Variants in ERH observed in about 807,000 individuals in gnomAD.
ERH encodes the protein ERH mRNA splicing and mitosis factor.
In ERH, 1 loss-of-function variant was observed where a neutral mutation model predicts 16.8. That is an observed-to-expected ratio of 0.06 (90% CI 0.02 to 0.28). ERH has a LOEUF of 0.28. Among genes scored for constraint, ERH ranks in the 10% least tolerant of loss-of-function variants. The pLI, the probability that ERH is intolerant of heterozygous loss-of-function variation, is 1.00. For missense variants in ERH, 42 were observed against 127.5 expected (o/e 0.33, Z 3.23); for synonymous variants, 43 against 43.6 (o/e 0.99, Z 0.05).
At chr14:69,390,609 T>C (rs1219346758) in intron 2 of ERH, among the ~76,000 whole-genome samples, 1 of 152,218 alleles carries the variant, frequency 6.6e-6, no homozygotes, top group Non-Finnish European at 1.5e-5. Flanking sequence ...TTAATATTTG[T>C]GACCTTGGAT....
At position 69,386,803 on chromosome 14, in the gene ERH, A is replaced by T. The variant is rs151013674; in HGVS notation, c.212+160T>A. 1.1e-3 allele frequency: 610 copies of T among 579,482 alleles called. 4 individuals are homozygous for T. In the African/African-American group the frequency reaches 0.011, roughly 10 times the overall value. The allele number at this position is 579,482 out of a possible 1,614,324, so 35.9% of individuals were successfully genotyped here. On this transcript the variant is annotated intron_variant, in intron 3 of 3. Transcript: ENST00000557016. ...TCTGTGCCTTTGGCTTTATGTTGCC[A>T]ATCTCTTATTTCTGTAAGAGAAATA...
chr14:69,384,018 GAA>G (rs1294445029), intron 3 of ERH, among the ~76,000 whole-genome samples: 3 of 151,946 alleles, frequency 2.0e-5, no homozygotes, highest in Non-Finnish European at 4.4e-5. Flanking sequence ...TACAAAGTTA[GAA>G]AAGTTATGTT....
intron 1 of ERH, 46 bp downstream of exon 1, chr14:69,398,185 G>A (rs1164384652): frequency 1.2e-6 from 2 of 1,612,944 alleles, no homozygotes; most frequent in Non-Finnish European, 1.7e-6. Flanking sequence ...GGGTCGCTCT[G>A]GAGGCCGGGG....
chr14:69,396,059 C>CA (rs1349777507), intron 1 of ERH, among the ~76,000 whole-genome samples: 1 of 152,194 alleles, frequency 6.6e-6, no homozygotes, highest in African/African-American at 2.4e-5. Context: ...GCTGAGAATT[C>CA]ACTGGTCTGT....
Position 69,380,521 on chromosome 14 carries a change from CAGTG to C in ERH, c.*13_*16del. The C allele has an allele frequency of 1.5e-6, 2 of 1,367,738 alleles. No homozygotes were observed. Among genetic ancestry groups the C allele is most frequent in the Non-Finnish European group, 2.1e-6 (2 of 956,182 alleles). 84.7% of individuals were successfully genotyped at this position (1,367,738 alleles called of 1,614,324 possible). ...TGTTCCAAGCCCACCCCAACCCCCCCAGTGCTTCCAACACAATTATTTCCCAGCC... is the reference window on the plus strand; with the variant it reads ...TGTTCCAAGCCCACCCCAACCCCCCCCTTCCAACACAATTATTTCCCAGCC... On this transcript the variant is annotated 3_prime_UTR_variant, in exon 4 of 4. Transcript: ENST00000557016.
At chr14:69,396,054 G>A (rs962471175) in intron 1 of ERH, among the ~76,000 whole-genome samples, 4 of 152,192 alleles carry the variant, frequency 2.6e-5, no homozygotes, top group African/African-American at 9.7e-5. Context: ...ATCCAGCTGA[G>A]AATTCACTGG....
In ERH at chr14:69,395,082, G is replaced by C. The variant is rs563281449; in HGVS notation, c.4-170C>G. 2.0e-5 allele frequency among the ~76,000 whole-genome samples: 3 copies of C among 152,262 alleles called. No individual in the cohort carries two copies. In the East Asian group the frequency reaches 5.8e-4, roughly 29 times the overall value. ...TAATCCTCATCCTCTGGGAGGCTGA[G>C]AGGGGGAAAATCACTTGAGGCCAGA... is the stretch of plus-strand genomic sequence containing the variant. On this transcript the variant is annotated intron_variant, in intron 1 of 3. Coordinates refer to ENST00000557016, the MANE Select transcript of ERH (RefSeq NM_004450.3).
At chr14:69,398,005 C>G (rs898685154) in intron 1 of ERH, 1 of 613,120 alleles carries the variant, frequency 1.6e-6, no homozygotes, top group Non-Finnish European at 2.9e-6. Context: ...CACGCCGGAC[C>G]CGAGCGAGCA....
At position 69,380,358 on chromosome 14, in the gene ERH, G is replaced by A; in HGVS notation, c.*180C>T. On this transcript the variant is annotated 3_prime_UTR_variant, in exon 4 of 4. Transcript: ENST00000557016. ...AAAAAAAAAGAAAGAGAAAGAAAAA[G>A]AGGAGGTAACGGGGGTTTCCGATTG... is the stretch of plus-strand genomic sequence containing the variant. The A allele has an allele frequency of 4.8e-6, 2 of 420,966 alleles. No individual in the cohort carries two copies. The highest frequency in any genetic ancestry group is 8.4e-6 in the Non-Finnish European group (2 of 237,260). 26.1% of individuals were successfully genotyped at this position (420,966 alleles called of 1,614,324 possible).
intron 3 of ERH, among the ~76,000 whole-genome samples, chr14:69,386,390 G>C (rs1163944477): frequency 6.6e-6 from 1 of 152,176 alleles, no homozygotes; most frequent in Non-Finnish European, 1.5e-5. Flanking sequence ...TAAATGAGCT[G>C]TATTTACACT....
intron 3 of ERH, among the ~76,000 whole-genome samples, chr14:69,381,900 G>C (rs767978147): frequency 5.3e-5 from 8 of 152,360 alleles, no homozygotes; most frequent in Non-Finnish European, 1.0e-4. Context: ...ATGTTGGCCA[G>C]GTTGGTCTTG....
intron 3 of ERH, among the ~76,000 whole-genome samples, chr14:69,381,797 T>C (rs1321572620): frequency 6.6e-6 from 1 of 152,160 alleles, no homozygotes; most frequent in Non-Finnish European, 1.5e-5. Flanking sequence ...CACATGATTC[T>C]CCTGCCTCAG....
intron 2 of ERH, among the ~76,000 whole-genome samples, chr14:69,389,901 G>C (rs1449202699): frequency 6.6e-6 from 1 of 152,124 alleles, no homozygotes; most frequent in East Asian, 1.9e-4. Flanking sequence ...TGTGACTACA[G>C]GTACGCGCCA....
At chr14:69,394,741 C>A in intron 2 of ERH, 84 bp downstream of exon 2, 1 of 844,464 alleles carries the variant, frequency 1.2e-6, no homozygotes, top group South Asian at 1.6e-5. Flanking sequence ...GGTGGATGGA[C>A]TATTAAAAAA....
At chr14:69,386,759 A>T (rs2140230674) in intron 3 of ERH, 1 of 452,160 alleles carries the variant, frequency 2.2e-6, no homozygotes, top group East Asian at 3.4e-5. Flanking sequence ...AACTATATCA[A>T]TTAGCAAAGT....
chr14:69,381,216 C>T (rs2045861567), intron 3 of ERH, among the ~76,000 whole-genome samples: 1 of 152,146 alleles, frequency 6.6e-6, no homozygotes, highest in South Asian at 2.1e-4. Flanking sequence ...GTGGAGGATG[C>T]AGTGAGCCGA....
chr14:69,397,994 G>A (rs1010776964), intron 1 of ERH: 5 of 605,034 alleles, frequency 8.3e-6, no homozygotes, highest in Admixed American at 5.8e-5. Flanking sequence ...CAGGCCCAAG[G>A]CACGCCGGAC....
At position 69,380,203 on chromosome 14, in the gene ERH, C is replaced by G. The variant is rs763610059; in HGVS notation, c.*335G>C. The G allele has an allele frequency of 3.6e-5, 7 of 196,328 alleles. No homozygotes were observed. Among genetic ancestry groups the G allele is most frequent in the Non-Finnish European group, 7.2e-5 (7 of 97,624 alleles). The allele number at this position is 196,328 out of a possible 1,614,324, so 12.2% of individuals were successfully genotyped here. On this transcript the variant is annotated 3_prime_UTR_variant, in exon 4 of 4. Transcript: ENST00000557016. ...ATGGCTAAACTGCATTTCCACCCCC[C>G]ACCCCATCTTGAAGAAGGGTTAGTA... is the stretch of plus-strand genomic sequence containing the variant.
At chr14:69,396,068 G>A (rs1367032664) in intron 1 of ERH, among the ~76,000 whole-genome samples, 1 of 152,214 alleles carries the variant, frequency 6.6e-6, no homozygotes, top group Non-Finnish European at 1.5e-5. Context: ...TCACTGGTCT[G>A]TTGAAAATAT....
Sources: gnomAD v4.1 joint callset for allele counts (sites outside exome capture counted in the v4.1 genomes callset) on GRCh38, gnomAD v4.1.1 for gene constraint, MANE v1.5 for transcripts, NCBI Gene and HGNC (gene_info 2026-07-23, HGNC 2026-07-21) for gene names.